The following ERMP1 variants were observed in gnomAD, a reference collection of about 807,000 sequenced individuals.
The protein encoded by ERMP1 is Felix-ina.
A neutral mutation model predicts 92.0 loss-of-function variants in ERMP1; 86 were observed. That is an observed-to-expected ratio of 0.93 (90% CI 0.79 to 1.12). The LOEUF (loss-of-function observed/expected upper bound fraction) is 1.12. Among genes scored for constraint, ERMP1 ranks in the 50% most tolerant of loss-of-function variants. ERMP1 has a pLI of 0.00. For missense variants in ERMP1, 1,342 were observed against 1,116.3 expected (o/e 1.20, Z -2.88); for synonymous variants, 530 against 412.8 (o/e 1.28, Z -3.44).
intron 10 of ERMP1, among the ~76,000 whole-genome samples, chr9:5,804,740 G>A (rs750657291): frequency 2.0e-5 from 3 of 151,958 alleles, no homozygotes; most frequent in Non-Finnish European, 4.4e-5. Context: ...CTTGGTAAAC[G>A]CTCTACAAAT....
chr9:5,832,715 C>T lies in ERMP1; in HGVS notation c.313G>A (p.Gly105Arg), dbSNP rs538779481. 10 of 1,486,770 alleles carry T rather than the reference C, an allele frequency of 6.7e-6. No individual in the cohort carries two copies. The highest frequency in any genetic ancestry group is 5.8e-5 in the East Asian group (2 of 34,656). The allele number at this position is 1,486,770 out of a possible 1,614,324, so 92.1% of individuals were successfully genotyped here. ...LVLRGAAGHR[G>R]EFDALQARDY... Reference sequence around the variant, plus strand: ...CTGGCTTGGAGCGCGTCGAACTCCCCGCGGTGTCCAGCGGCCCCGCGTAGC... The same window carrying T: ...CTGGCTTGGAGCGCGTCGAACTCCCTGCGGTGTCCAGCGGCCCCGCGTAGC... Residue 105 changes from glycine to arginine, a missense_variant, in exon 1 of 15, where the codon GGG becomes AGG. Transcript: ENST00000339450.
intron 1 of ERMP1, among the ~76,000 whole-genome samples, chr9:5,831,521 C>G (rs1185579927): frequency 6.6e-6 from 1 of 152,078 alleles, no homozygotes; most frequent in Non-Finnish European, 1.5e-5. Flanking sequence ...GGTGGGAGGA[C>G]TGCTTGAACC....
chr9:5,809,316 G>A (rs749190942), intron 8 of ERMP1, among the ~76,000 whole-genome samples: 6 of 152,160 alleles, frequency 3.9e-5, no homozygotes, highest in African/African-American at 1.2e-4. Context: ...CACCGCGCCC[G>A]GCCAGCCCTA....
At chr9:5,860,223 T>C (rs1312214347) in intron 5 of ERMP1, among the ~76,000 whole-genome samples, 1 of 151,688 alleles carries the variant, frequency 6.6e-6, no homozygotes, top group Non-Finnish European at 1.5e-5. Flanking sequence ...GAGGATTGCT[T>C]GAGCCCAGGA....
intron 4 of ERMP1, 57 bp from the exon 5 acceptor site, chr9:5,813,092 CTAA>C (rs1206170858): frequency 1.3e-6 from 2 of 1,586,398 alleles, no homozygotes; most frequent in African/African-American, 2.7e-5. Flanking sequence ...TTTTAACATA[CTAA>C]TGTTTTTCAA....
At chr9:5,807,832 T>C (rs1828926443) in intron 8 of ERMP1, among the ~76,000 whole-genome samples, 1 of 152,062 alleles carries the variant, frequency 6.6e-6, no homozygotes, top group Admixed American at 6.5e-5. Context: ...TCATCTCGCC[T>C]CCCCTATATT....
intron 10 of ERMP1, among the ~76,000 whole-genome samples, chr9:5,801,796 A>G (rs1282571295): frequency 6.6e-6 from 1 of 152,012 alleles, no homozygotes; most frequent in Admixed American, 6.6e-5. Flanking sequence ...TGTACCTTCA[A>G]GACTCTGCCA....
chr9:5,802,724 T>C (rs1041693240), intron 10 of ERMP1, among the ~76,000 whole-genome samples: 4 of 152,208 alleles, frequency 2.6e-5, no homozygotes, highest in African/African-American at 9.7e-5. Context: ...TATTCTCTGC[T>C]GGACCTTCAT....
At chr9:5,805,271 A>G in intron 9 of ERMP1, 54 bp from the exon 10 acceptor site, 1 of 1,372,320 alleles carries the variant, frequency 7.3e-7, no homozygotes, top group Non-Finnish European at 1.0e-6. Flanking sequence ...AGTGAGATAT[A>G]AATTTTTATA....
chr9:5,854,110 C>T (rs776799919), intron 6 of ERMP1, among the ~76,000 whole-genome samples: 2 of 151,834 alleles, frequency 1.3e-5, no homozygotes, highest in Non-Finnish European at 2.9e-5. Context: ...GGGGTTTGGG[C>T]TCCCCACTCT....
Position 5,811,288 on chromosome 9 carries a change from T to C in ERMP1, c.1150A>G (p.Thr384Ala). ...NILAVLKHLA[T>A]SDMLAAASKY... ...GAAGCAGCAGCCAGCATATCAGATG[T>C]AGCTAGATGCTTAAGAACTGCTAAA... The change falls in exon 7 of 15, where the codon ACA becomes GCA. Residue 384 changes from threonine to alanine, a missense_variant. Coordinates refer to ENST00000339450, the MANE Select transcript of ERMP1 (RefSeq NM_024896.3). 6.2e-7 allele frequency: 1 copy of C among 1,613,466 alleles called. No individual in the cohort carries two copies. Among genetic ancestry groups the C allele is most frequent in the South Asian group, 1.1e-5 (1 of 91,046 alleles).
chr9:5,800,327 T>G (rs933542729), intron 11 of ERMP1, among the ~76,000 whole-genome samples: 2 of 152,198 alleles, frequency 1.3e-5, no homozygotes, highest in Non-Finnish European at 2.9e-5. Context: ...TGAGGCTTAC[T>G]GCTTTATAGT....
chr9:5,849,804 C>G (rs757522131), intron 6 of ERMP1, among the ~76,000 whole-genome samples: 1 of 152,224 alleles, frequency 6.6e-6, no homozygotes, highest in Non-Finnish European at 1.5e-5. Context: ...GTAAGTTTAG[C>G]TACCTACCAG....
chr9:5,795,489 A>G (rs1004343965), intron 13 of ERMP1, among the ~76,000 whole-genome samples: 9 of 152,176 alleles, frequency 5.9e-5, no homozygotes, highest in Admixed American at 5.2e-4. Context: ...ATAGAATCTT[A>G]AAAGAATAGG....
chr9:5,830,098 C>A (rs1465925528), intron 2 of ERMP1, among the ~76,000 whole-genome samples: 1 of 152,176 alleles, frequency 6.6e-6, no homozygotes, highest in African/African-American at 2.4e-5. Context: ...TATAGGTCAA[C>A]AGAATCTGCT....
chr9:5,815,560 C>T lies in ERMP1; in HGVS notation c.875-2525G>A, dbSNP rs143725725. On this transcript the variant is annotated intron_variant, in intron 4 of 14. Transcript: ENST00000339450. ...CTTGCAGAATTCCAACTATGACCTA[C>T]AGGCAGAATGATGGAACCAGAAACT... Among the ~76,000 whole-genome samples the T allele has an allele frequency of 3.7e-3, 543 of 146,966 alleles. 3 individuals are homozygous for T. Among genetic ancestry groups the T allele is most frequent in the African/African-American group, 0.013 (534 of 39,778 alleles).
intron 4 of ERMP1, among the ~76,000 whole-genome samples, chr9:5,818,865 TCTCA>T (rs1256376568): frequency 1.3e-5 from 2 of 152,216 alleles, no homozygotes; most frequent in Non-Finnish European, 2.9e-5. Flanking sequence ...ACATCTACAT[TCTCA>T]CTAACAGTGT....
intron 4 of ERMP1, among the ~76,000 whole-genome samples, chr9:5,821,772 G>T (rs1485405280): frequency 6.6e-6 from 1 of 151,948 alleles, no homozygotes; most frequent in Non-Finnish European, 1.5e-5. Context: ...GGAGATGAAG[G>T]CACTTAACAC....
intron 3 of ERMP1, 121 bp from the exon 4 acceptor site, chr9:5,824,122 C>T: frequency 1.4e-6 from 1 of 708,978 alleles, no homozygotes; most frequent in South Asian, 1.8e-5. Context: ...AAAATAATCG[C>T]TCTTCAAAGG....
Sources: allele counts gnomAD v4.1 joint callset (sites outside exome capture counted in the v4.1 genomes callset), GRCh38; gene constraint gnomAD v4.1.1; transcripts MANE v1.5; gene names NCBI Gene and HGNC (gene_info 2026-07-23, HGNC 2026-07-21).